The following TENM3 variants were observed in gnomAD, a reference collection of about 807,000 sequenced individuals.
TENM3 encodes teneurin-3.
Under a neutral mutation model 255.1 loss-of-function variants are expected in TENM3, and 63 were observed. That is an observed-to-expected ratio of 0.25 (90% CI 0.20 to 0.30). The LOEUF is 0.30. Among genes scored for constraint, TENM3 ranks in the 10% least tolerant of loss-of-function variants. The probability of loss-of-function intolerance (pLI) is 1.00; values close to 1 mark genes in which losing one functional copy is unlikely to be tolerated. For missense variants in TENM3, 2,929 were observed against 3,461.1 expected, an observed-to-expected ratio of 0.85 and a Z score of 3.86; for synonymous variants, 1,306 against 1,322.3, an observed-to-expected ratio of 0.99 and a Z score of 0.27.
intron 1 of TENM3, among the ~76,000 whole-genome samples, chr4:182,285,223 T>C (rs535958006): frequency 6.7e-6 from 1 of 149,102 alleles, no homozygotes; most frequent in Non-Finnish European, 1.5e-5. Context: ...GTGAATTAGA[T>C]GAAAATTCAG....
chr4:181,601,646 T>G, the TENM3 span, among the ~76,000 whole-genome samples: 2 of 152,194 alleles, frequency 1.3e-5, no homozygotes, highest in African/African-American at 4.8e-5. Context: ...CAATTCAATT[T>G]TAAATATATT....
At chr4:181,467,618 A>T in the TENM3 span, among the ~76,000 whole-genome samples, 1 of 152,166 alleles carries the variant, frequency 6.6e-6, no homozygotes, top group African/African-American at 2.4e-5. Flanking sequence ...AGAAAAAAAG[A>T]TTCAAGTGTG....
At chr4:181,450,960 A>T in the TENM3 span, among the ~76,000 whole-genome samples, 129 of 152,306 alleles carry the variant, frequency 8.5e-4, no homozygotes, top group Non-Finnish European at 1.5e-3. Flanking sequence ...ACACATATTT[A>T]TATGCCAGGG....
intron 18 of TENM3, among the ~76,000 whole-genome samples, chr4:182,739,499 T>A: frequency 6.6e-6 from 1 of 152,184 alleles, no homozygotes; most frequent in East Asian, 1.9e-4. Context: ...GAGAAAAAAG[T>A]CACAGTCTCA....
the TENM3 span, among the ~76,000 whole-genome samples, chr4:181,687,433 G>C: frequency 6.6e-6 from 1 of 152,120 alleles, no homozygotes; most frequent in Non-Finnish European, 1.5e-5. Flanking sequence ...TCTCTTTTCA[G>C]CTTCATAGTC....
chr4:182,623,634 T>G (rs1252852790), intron 4 of TENM3, among the ~76,000 whole-genome samples: 1 of 152,122 alleles, frequency 6.6e-6, no homozygotes, highest in Non-Finnish European at 1.5e-5. Flanking sequence ...CCGGCCTGTT[T>G]TATTTTAAGC....
chr4:181,499,582 A>G, the TENM3 span, among the ~76,000 whole-genome samples: 1 of 152,174 alleles, frequency 6.6e-6, no homozygotes, highest in Admixed American at 6.5e-5. Context: ...TGAGGCATGA[A>G]AGAAAACTAG....
At chr4:182,791,114 T>A (rs1300401159) in intron 25 of TENM3, among the ~76,000 whole-genome samples, 1 of 152,222 alleles carries the variant, frequency 6.6e-6, no homozygotes, top group Admixed American at 6.5e-5. Flanking sequence ...AAAGTAGGTA[T>A]TCATGTGAAT....
At chr4:182,697,969 C>A (rs1396284180) in intron 12 of TENM3, 1 of 152,158 alleles carries the variant, frequency 6.6e-6, no homozygotes, top group African/African-American at 2.4e-5. Context: ...TGCAGTTTGT[C>A]TGTCCTTCAA....
the TENM3 span, among the ~76,000 whole-genome samples, chr4:181,625,749 G>A: frequency 6.6e-6 from 1 of 152,004 alleles, no homozygotes; most frequent in Non-Finnish European, 1.5e-5. Context: ...AGGAGGCAGA[G>A]CTTGCAGTGA....
At chr4:182,553,287 T>G (rs1174905821) in intron 3 of TENM3, among the ~76,000 whole-genome samples, 2 of 146,618 alleles carry the variant, frequency 1.4e-5, no homozygotes, top group South Asian at 4.3e-4. Context: ...ATAAATCGTT[T>G]AGAAAATTGA....
chr4:181,463,729 C>A, the TENM3 span, among the ~76,000 whole-genome samples: 4 of 152,084 alleles, frequency 2.6e-5, no homozygotes, highest in East Asian at 7.7e-4. Context: ...GGCTGTGCAA[C>A]CATCATCCAT....
At chr4:182,260,680 T>C (rs1444925206) in intron 1 of TENM3, among the ~76,000 whole-genome samples, 1 of 152,166 alleles carries the variant, frequency 6.6e-6, no homozygotes, top group East Asian at 1.9e-4. Flanking sequence ...TATGGTACTT[T>C]CTGTATAAGT....
At chr4:181,802,375 T>C in the TENM3 span, among the ~76,000 whole-genome samples, 1 of 152,328 alleles carries the variant, frequency 6.6e-6, no homozygotes, top group East Asian at 1.9e-4. Flanking sequence ...TGGAATCCGC[T>C]GTAGCCCATA....
At chr4:182,651,558 G>T (rs1293921513) in intron 5 of TENM3, among the ~76,000 whole-genome samples, 10 of 152,100 alleles carry the variant, frequency 6.6e-5, no homozygotes, top group Admixed American at 6.5e-4. Context: ...TTAGCTGGGC[G>T]TGGCGGCGTG....
the TENM3 span, among the ~76,000 whole-genome samples, chr4:181,508,202 C>CA: frequency 6.6e-6 from 1 of 152,170 alleles, no homozygotes; most frequent in African/African-American, 2.4e-5. Flanking sequence ...CCTGGGTTGT[C>CA]AGCAAGTGCC....
chr4:181,502,212 A>G, the TENM3 span, among the ~76,000 whole-genome samples: 1 of 152,238 alleles, frequency 6.6e-6, no homozygotes, highest in African/African-American at 2.4e-5. Context: ...ATATTGGTCA[A>G]AGCCCACAGA....
chr4:182,066,536 G>C, the TENM3 span, among the ~76,000 whole-genome samples: 2 of 150,746 alleles, frequency 1.3e-5, no homozygotes, highest in African/African-American at 2.4e-5. Context: ...ATTCTCTAAG[G>C]CTCTTTTAAA....
chr4:182,714,305 T>G, intron 13 of TENM3, 72 bp downstream of exon 13: 1 of 406,970 alleles, frequency 2.5e-6, no homozygotes, highest in Non-Finnish European at 3.5e-6. Context: ...AGTACATAGA[T>G]ATCTGTTGCC....
Sources: gnomAD v4.1 joint callset for allele counts (sites outside exome capture counted in the v4.1 genomes callset) on GRCh38, gnomAD v4.1.1 for gene constraint, MANE v1.5 for transcripts, NCBI Gene and HGNC (gene_info 2026-07-23, HGNC 2026-07-21) for gene names.